The following ANKRD55 variants were observed in gnomAD, a reference collection of about 807,000 sequenced individuals.
ANKRD55 encodes ankyrin repeat domain 55, also known as ankyrin repeat domain-containing protein 55.
Under a neutral mutation model 60.6 loss-of-function variants are expected in ANKRD55, and 41 were observed. The observed-to-expected ratio is 0.68, with a 90% CI of 0.53 to 0.88. ANKRD55 has a LOEUF of 0.88. Ranked by LOEUF, ANKRD55 falls within the 40% of genes least tolerant of loss-of-function variation. The pLI is 0.00. For synonymous variants in ANKRD55, 264 were observed against 290.3 expected (o/e 0.91, Z 0.92); for missense variants, 732 against 767.6 (o/e 0.95, Z 0.55).
At chr5:56,183,405 C>T in intron 3 of ANKRD55, 107 bp downstream of exon 3, 1 of 1,434,644 alleles carries the variant, frequency 7.0e-7, no homozygotes, top group Non-Finnish European at 9.5e-7. Flanking sequence ...GGCACAGTAT[C>T]AAAATGGCTG....
intron 2 of ANKRD55, among the ~76,000 whole-genome samples, chr5:56,194,662 C>T (rs1759190325): frequency 1.3e-5 from 2 of 152,086 alleles, no homozygotes; most frequent in African/African-American, 4.8e-5. Context: ...CCTTGAATAC[C>T]ATTCTCCACT....
At chr5:56,196,882 C>G (rs1759239123) in intron 2 of ANKRD55, among the ~76,000 whole-genome samples, 1 of 152,052 alleles carries the variant, frequency 6.6e-6, no homozygotes, top group African/African-American at 2.4e-5. Flanking sequence ...AAGTGTGGTC[C>G]CAACAAACAG....
intron 2 of ANKRD55, among the ~76,000 whole-genome samples, chr5:56,216,842 G>C (rs1759824299): frequency 6.6e-6 from 1 of 152,228 alleles, no homozygotes; most frequent in Non-Finnish European, 1.5e-5. Context: ...CACAAAAATG[G>C]AAGTGAAGCA....
chr5:56,215,481 T>A (rs1759781764), intron 2 of ANKRD55, among the ~76,000 whole-genome samples: 1 of 152,244 alleles, frequency 6.6e-6, no homozygotes, highest in South Asian at 2.1e-4. Flanking sequence ...GTGATGGCTG[T>A]TGTCCCTGCC....
intron 7 of ANKRD55, among the ~76,000 whole-genome samples, chr5:56,130,810 G>C (rs536213414): frequency 6.6e-6 from 1 of 152,296 alleles, no homozygotes; most frequent in African/African-American, 2.4e-5. Flanking sequence ...AATAATAAAT[G>C]CTGGAGATAA....
intron 2 of ANKRD55, among the ~76,000 whole-genome samples, chr5:56,184,231 A>C (rs899507857): frequency 6.6e-6 from 1 of 152,168 alleles, no homozygotes; most frequent in African/African-American, 2.4e-5. Flanking sequence ...GCCTTCCCCT[A>C]GTGCCGTGTT....
intron 8 of ANKRD55, among the ~76,000 whole-genome samples, chr5:56,120,174 T>C (rs973125424): frequency 7.9e-5 from 12 of 151,966 alleles, no homozygotes; most frequent in Admixed American, 6.6e-5. Context: ...GTAGCTGGGA[T>C]TACAGGCACG....
chr5:56,111,838 A>G, intron 9 of ANKRD55, 56 bp from the exon 10 acceptor site: 1 of 1,409,078 alleles, frequency 7.1e-7, no homozygotes, highest in Non-Finnish European at 9.3e-7. Flanking sequence ...TAGAGACATC[A>G]CTCACCGAAA....
chr5:56,228,367 A>G (rs1167446708), intron 2 of ANKRD55, among the ~76,000 whole-genome samples: 1 of 152,012 alleles, frequency 6.6e-6, no homozygotes, highest in Non-Finnish European at 1.5e-5. Flanking sequence ...ACAGCAGCCA[A>G]GGCTGGAAGG....
Position 56,176,218 on chromosome 5 carries a change from C to T in ANKRD55, c.246G>A (p.Lys82=), listed in dbSNP as rs762093681. The part of the protein sequence containing the change: ...RQADTVKLLL[K]MGANINMQDA... ...CCTGCATGTTAATATTGGCTCCCAT[C>T]TTCAACAGCAGCTTCACTGTGTCCG... The change falls in exon 4 of 12, where the codon AAG becomes AAA. Residue 82 remains lysine, a synonymous_variant. Transcript: ENST00000341048. 2.5e-6 allele frequency: 4 copies of T among 1,614,088 alleles called. No individual in the cohort carries two copies. Among genetic ancestry groups the T allele is most frequent in the Non-Finnish European group, 3.4e-6 (4 of 1,180,054 alleles).
chr5:56,146,975 C>G (rs997413814), intron 6 of ANKRD55: 4 of 152,134 alleles, frequency 2.6e-5, no homozygotes, highest in Non-Finnish European at 5.9e-5. Flanking sequence ...ATTATTGTCT[C>G]CTAAATACAG....
At chr5:56,135,942 A>G (rs1757586280) in intron 7 of ANKRD55, among the ~76,000 whole-genome samples, 1 of 152,188 alleles carries the variant, frequency 6.6e-6, no homozygotes, top group African/African-American at 2.4e-5. Context: ...AATTAAAAAT[A>G]CAATACCATT....
rs536827734 is a variant in ANKRD55, at chr5:56,160,310, C to T, written c.423-417G>A. ...CTCGAGTGCAGTGGCACGAACTTGG[C>T]TCACTGCAAGCTCCGCCTCCCGGAT... On this transcript the variant is annotated intron_variant, in intron 5 of 11. Coordinates refer to ENST00000341048, the MANE Select transcript of ANKRD55 (RefSeq NM_024669.3). Among the ~76,000 whole-genome samples the T allele has an allele frequency of 9.8e-5, 15 of 152,356 alleles. No homozygotes were observed. The South Asian group carries it at 2.9e-3, about 29-fold the overall frequency.
At position 56,181,892 on chromosome 5, in the gene ANKRD55, G is replaced by T. The variant is rs559208234; in HGVS notation, c.181+1620C>A. On this transcript the variant is annotated intron_variant, in intron 3 of 11. Coordinates refer to ENST00000341048, the MANE Select transcript of ANKRD55 (RefSeq NM_024669.3). ...TTATAGGCGTGAGCCACCGTGTCCGGCCTATTTCTGTATATTACTGAATTC... is the reference window on the plus strand; with the variant it reads ...TTATAGGCGTGAGCCACCGTGTCCGTCCTATTTCTGTATATTACTGAATTC... 7.2e-5 allele frequency among the ~76,000 whole-genome samples: 11 copies of T among 152,292 alleles called. No individual in the cohort carries two copies. In the East Asian group the frequency reaches 1.9e-3, roughly 27 times the overall value.
chr5:56,228,308 A>G (rs1262674657), intron 2 of ANKRD55, among the ~76,000 whole-genome samples: 1 of 152,148 alleles, frequency 6.6e-6, no homozygotes, highest in African/African-American at 2.4e-5. Context: ...AGCGATGCAC[A>G]CAGACGAGGC....
chr5:56,203,962 A>C (rs1006467298), intron 2 of ANKRD55, among the ~76,000 whole-genome samples: 14 of 152,034 alleles, frequency 9.2e-5, no homozygotes, highest in African/African-American at 3.4e-4. Context: ...ACAGTGTAAA[A>C]GTGTTCCTAT....
At chr5:56,148,647 T>C (rs1757959205) in intron 6 of ANKRD55, among the ~76,000 whole-genome samples, 1 of 139,164 alleles carries the variant, frequency 7.2e-6, no homozygotes, top group Non-Finnish European at 1.6e-5. Flanking sequence ...TATCAGCTTC[T>C]CAGAACATTT....
chr5:56,204,523 A>G (rs1759456132), intron 2 of ANKRD55, among the ~76,000 whole-genome samples: 1 of 152,088 alleles, frequency 6.6e-6, no homozygotes, highest in African/African-American at 2.4e-5. Context: ...GGAAGGTTTT[A>G]TAAGGGGATT....
In ANKRD55 at chr5:56,102,537, A is replaced by G. The variant is rs1417035292; in HGVS notation, c.1680T>C (p.Leu560=). 6.2e-7 allele frequency: 1 copy of G among 1,613,872 alleles called. No individual in the cohort carries two copies. Among genetic ancestry groups the G allele is most frequent in the Admixed American group, 1.7e-5 (1 of 60,008 alleles). Residue 560 remains leucine (L), a synonymous_variant, in exon 11 of 12, where the codon CTT becomes CTC. Coordinates refer to ENST00000341048, the MANE Select transcript of ANKRD55 (RefSeq NM_024669.3). ...LSPNRHKIRD[L]PFTRNNLAPL... is the part of the protein sequence containing the mutation. ...GAGCTAGGTTGTTCCGAGTGAAAGG[A>G]AGATCCCTGATTTTGTGTCTGTTTG...
Sources: gnomAD v4.1 joint callset for allele counts (sites outside exome capture counted in the v4.1 genomes callset) on GRCh38, gnomAD v4.1.1 for gene constraint, MANE v1.5 for transcripts, NCBI Gene and HGNC (gene_info 2026-07-23, HGNC 2026-07-21) for gene names.